The following RBMS2 variants were observed in gnomAD, a reference collection of about 807,000 sequenced individuals.
The protein encoded by RBMS2 is RNA binding motif single stranded interacting protein 2, also known as RNA-binding motif, single-stranded-interacting protein 2.
Under a neutral mutation model 58.4 loss-of-function variants are expected in RBMS2, and 38 were observed. That is an observed-to-expected ratio of 0.65 (90% CI 0.50 to 0.85). RBMS2 has a LOEUF of 0.85. RBMS2 is among the 40% of genes least tolerant of loss of function. The pLI is 0.00. For missense variants in RBMS2, 367 were observed against 503.7 expected, an observed-to-expected ratio of 0.73 and a Z score of 2.60; for synonymous variants, 151 against 180.7, an observed-to-expected ratio of 0.84 and a Z score of 1.32.
intron 5 of RBMS2, among the ~76,000 whole-genome samples, chr12:56,578,109 CTA>C (rs1476832762): frequency 6.6e-6 from 1 of 151,848 alleles, no homozygotes. Flanking sequence ...GAGGCATGAG[CTA>C]CTGTTCCTGG....
chr12:56,536,990 GGCTCACTGCAACCTCC>G (rs1455332743), intron 1 of RBMS2, among the ~76,000 whole-genome samples: 1 of 147,848 alleles, frequency 6.8e-6, no homozygotes, highest in Admixed American at 6.8e-5. Context: ...GCATGATCTT[GGCTCACTGCAACCTCC>G]GCCTCCCAGG....
upstream of RBMS2, chr12:56,521,783 C>G: frequency 1.9e-6 from 1 of 513,012 alleles, no homozygotes; most frequent in Non-Finnish European, 3.4e-6. Flanking sequence ...CTGCCTCATT[C>G]AGACTCTGTT....
chr12:56,538,178 G>A (rs918717403), intron 1 of RBMS2, among the ~76,000 whole-genome samples: 1 of 151,638 alleles, frequency 6.6e-6, no homozygotes, highest in African/African-American at 2.4e-5. Context: ...GATTACAGAC[G>A]TGCACCACCA....
At chr12:56,568,687 G>T (rs1203314984) in intron 2 of RBMS2, among the ~76,000 whole-genome samples, 1 of 151,586 alleles carries the variant, frequency 6.6e-6, no homozygotes, top group African/African-American at 2.4e-5. Flanking sequence ...CTGGCGTGAC[G>T]CCCAGCTAAT....
At chr12:56,541,241 T>C (rs1009975626) in intron 1 of RBMS2, among the ~76,000 whole-genome samples, 3 of 152,206 alleles carry the variant, frequency 2.0e-5, no homozygotes, top group Non-Finnish European at 4.4e-5. Flanking sequence ...TCCTTGCCTA[T>C]TCAGTTGCTG....
chr12:56,557,160 A>G (rs998591573), intron 1 of RBMS2, among the ~76,000 whole-genome samples: 2 of 152,184 alleles, frequency 1.3e-5, no homozygotes, highest in African/African-American at 2.4e-5. Flanking sequence ...TGGAGAAACC[A>G]TAGCTTCTTT....
At chr12:56,522,223 C>T (rs2136218112) in intron 1 of RBMS2, 134 bp downstream of exon 1, 1 of 674,142 alleles carries the variant, frequency 1.5e-6, no homozygotes, top group Non-Finnish European at 2.4e-6. Flanking sequence ...CACCGCGCTT[C>T]TCCCTTTTCC....
intron 1 of RBMS2, among the ~76,000 whole-genome samples, chr12:56,545,460 G>A (rs1005646269): frequency 2.9e-4 from 44 of 152,236 alleles, no homozygotes; most frequent in African/African-American, 1.1e-3. Flanking sequence ...TACATTTAAA[G>A]TATACAATTC....
At chr12:56,528,681 C>G (rs776109165) in intron 1 of RBMS2, among the ~76,000 whole-genome samples, 1 of 152,054 alleles carries the variant, frequency 6.6e-6, no homozygotes, top group Admixed American at 6.6e-5. Context: ...AAAAGATAAT[C>G]GAAAGGACAA....
intron 4 of RBMS2, 50 bp downstream of exon 4, chr12:56,570,040 C>T: frequency 6.6e-7 from 1 of 1,518,806 alleles, no homozygotes. Context: ...GTGGTTAGCA[C>T]CAAAGTTCCA....
rs184406753 is a variant in RBMS2 at position 56,595,063 on chromosome 12, T to C, written c.*5930T>C. Reference sequence around the variant, plus strand: ...GTCCTGCTGTGATAGGCCAGGGGAGTAGGCTGTGCAGTGACGGCTTAGGGT... The same window carrying C: ...GTCCTGCTGTGATAGGCCAGGGGAGCAGGCTGTGCAGTGACGGCTTAGGGT... On this transcript the variant is annotated 3_prime_UTR_variant, in exon 14 of 14. Coordinates refer to ENST00000262031, the MANE Select transcript of RBMS2 (RefSeq NM_002898.4). 1 of 151,748 alleles carries C rather than the reference T, an allele frequency of 6.6e-6. No individual in the cohort carries two copies. Among genetic ancestry groups the C allele is most frequent in the East Asian group, 1.9e-4 (1 of 5,164 alleles). The allele number at this position is 151,748 out of a possible 1,614,324, so 9.4% of individuals were successfully genotyped here.
At chr12:56,565,155 G>A (rs574271358) in intron 2 of RBMS2, among the ~76,000 whole-genome samples, 5 of 152,240 alleles carry the variant, frequency 3.3e-5, no homozygotes, top group African/African-American at 1.2e-4. Context: ...ATGTTATACT[G>A]TATTGTTTAG....
Position 56,586,914 on chromosome 12 carries a change from C to T in RBMS2, c.939C>T (p.Leu313=). 1.2e-6 allele frequency: 2 copies of T among 1,612,922 alleles called. No individual in the cohort carries two copies. Among genetic ancestry groups the T allele is most frequent in the South Asian group, 2.2e-5 (2 of 91,060 alleles). ...NPSWMHHHSY[L]MQPSGSVLTP... ...CCTGGATGCACCACCATTCATACCT[C>T]ATGCAGCCTTCAGTGAGTATTCAGA... Residue 313 remains leucine, a synonymous_variant, in exon 10 of 14, where the codon CTC becomes CTT. Coordinates refer to ENST00000262031, the MANE Select transcript of RBMS2 (RefSeq NM_002898.4).
chr12:56,575,693 G>A (rs1268667887), intron 5 of RBMS2, among the ~76,000 whole-genome samples: 2 of 151,444 alleles, frequency 1.3e-5, no homozygotes, highest in Non-Finnish European at 2.9e-5. Flanking sequence ...TCGGGAGTTC[G>A]AGACCAGCCT....
At chr12:56,532,315 G>A (rs1431927671) in intron 1 of RBMS2, among the ~76,000 whole-genome samples, 1 of 152,072 alleles carries the variant, frequency 6.6e-6, no homozygotes, top group Admixed American at 6.6e-5. Flanking sequence ...GGCCGAGGCA[G>A]GCAGATCACC....
chr12:56,575,256 C>G lies in RBMS2; in HGVS notation c.542+3401C>G, dbSNP rs1302331748. ...CCAGCCTGGGCAACATGTGAAACCC[C>G]ATCTCTACAAAAACAAAACAAACAA... is the stretch of plus-strand genomic sequence containing the variant. On this transcript the variant is annotated intron_variant, in intron 5 of 13. Transcript: ENST00000262031. Among the ~76,000 whole-genome samples, 11 of 150,312 alleles carry G rather than the reference C, an allele frequency of 7.3e-5. No homozygotes were observed. In the Admixed American group the frequency reaches 7.3e-4, roughly 10 times the overall value.
At chr12:56,532,003 C>A (rs1357069833) in intron 1 of RBMS2, among the ~76,000 whole-genome samples, 1 of 151,400 alleles carries the variant, frequency 6.6e-6, no homozygotes, top group African/African-American at 2.4e-5. Flanking sequence ...GGCAGATCAC[C>A]TGAGGTCAGG....
At chr12:56,551,131 AAG>A (rs1878201738) in intron 1 of RBMS2, among the ~76,000 whole-genome samples, 1 of 130,974 alleles carries the variant, frequency 7.6e-6, no homozygotes, top group African/African-American at 2.8e-5. Flanking sequence ...AAAAAAAAAA[AAG>A]AAAAAAAAAA....
chr12:56,581,999 T>C (rs989400717), intron 8 of RBMS2, 60 bp from the exon 9 acceptor site: 1 of 1,567,056 alleles, frequency 6.4e-7, no homozygotes, highest in African/African-American at 1.4e-5. Flanking sequence ...TGCCTATCAG[T>C]TGGGACCCTT....
Sources: gnomAD v4.1 joint callset for allele counts (sites outside exome capture counted in the v4.1 genomes callset) on GRCh38, gnomAD v4.1.1 for gene constraint, MANE v1.5 for transcripts, NCBI Gene and HGNC (gene_info 2026-07-23, HGNC 2026-07-21) for gene names.